The following CFAP74 variants were observed in gnomAD, a reference collection of about 807,000 sequenced individuals.
CFAP74 encodes cilia and flagella associated protein 74, also known as cilia- and flagella-associated protein 74.
A neutral mutation model predicts 188.9 loss-of-function variants in CFAP74; 124 were observed. The observed-to-expected ratio is 0.66, with a 90% CI of 0.57 to 0.76. The LOEUF is 0.76. Ranked by LOEUF, CFAP74 falls within the 30% of genes least tolerant of loss-of-function variation. The probability of loss-of-function intolerance (pLI) is 0.00; values close to 1 mark genes in which losing one functional copy is unlikely to be tolerated. For missense variants in CFAP74, 2,198 were observed against 2,165.2 expected (o/e 1.02, Z -0.30); for synonymous variants, 956 against 916.7 (o/e 1.04, Z -0.77).
chr1:1,991,590 G>A (rs909079223), intron 1 of CFAP74, among the ~76,000 whole-genome samples: 1 of 151,942 alleles, frequency 6.6e-6, no homozygotes, highest in African/African-American at 2.4e-5. Flanking sequence ...GGACAAGAGC[G>A]AGACTCCATC....
Position 1,923,150 on chromosome 1 carries a change from A to AG in CFAP74, c.4523-6dup. 1 of 1,604,998 alleles carries AG rather than the reference A, an allele frequency of 6.2e-7. No individual in the cohort carries two copies. Among genetic ancestry groups the AG allele is most frequent in the Non-Finnish European group, 8.5e-7 (1 of 1,177,118 alleles). ...GAGGGCCTGGCCGGGAGCTGGCTGG[A>AG]GGGGTGTGGCCAGGGGAGCTGTTCA... On this transcript the variant is annotated splice_region_variant and splice_polypyrimidine_tract_variant and intron_variant, in intron 36 of 38. Coordinates refer to ENST00000682832, the MANE Select transcript of CFAP74 (RefSeq NM_001304360.2). The surrounding 1 kb of genome is among the most constrained non-coding windows in gnomAD (Gnocchi z 6.3).
intron 15 of CFAP74, 76 bp downstream of exon 15, chr1:1,959,888 T>A: frequency 7.7e-7 from 1 of 1,298,248 alleles, no homozygotes; most frequent in Non-Finnish European, 1.1e-6. Context: ...CATCATGTTC[T>A]GCGCCACCAT....
chr1:1,927,198 G>A, intron 28 of CFAP74, 170 bp from the exon 29 acceptor site: 4 of 731,674 alleles, frequency 5.5e-6, no homozygotes, highest in South Asian at 3.7e-5. Flanking sequence ...GCTCCTGTGG[G>A]GGTCTCATCA....
rs758746981 is a variant in CFAP74 at position 1,988,937 on chromosome 1, T to C, written c.104A>G (p.Lys35Arg). The stretch of plus-strand genomic sequence containing the variant: ...ATCCTCAGCTTCCTGTAGAAGACAT[T>C]TGATGTCAAACTCCGGATCCTCTAA... ...DELEDPEFDI[K>R]CLLQEAEDDV... is the part of the protein sequence containing the mutation. Residue 35 changes from lysine (K) to arginine (R), a missense_variant, in exon 3 of 39, where the codon AAA (lysine) becomes AGA (arginine). Physicochemically the swap from Lys to Arg is conservative, Grantham distance 26. Transcript: ENST00000682832. 17 of 1,589,016 alleles carry C rather than the reference T, an allele frequency of 1.1e-5. No individual in the cohort carries two copies. Among genetic ancestry groups the C allele is most frequent in the East Asian group, 4.6e-5 (2 of 43,956 alleles).
chr1:1,927,150 A>C, intron 28 of CFAP74, 122 bp from the exon 29 acceptor site: 2 of 1,195,164 alleles, frequency 1.7e-6, no homozygotes, highest in Non-Finnish European at 2.3e-6. Flanking sequence ...TGGCTGTCCC[A>C]GTTGTGTCTG....
chr1:1,977,289 G>A (rs1473480712), intron 6 of CFAP74, among the ~76,000 whole-genome samples: 1 of 152,206 alleles, frequency 6.6e-6, no homozygotes, highest in Non-Finnish European at 1.5e-5. Flanking sequence ...GGGAAAGATT[G>A]GGATTTTGAG....
chr1:1,956,770 C>T lies in CFAP74; in HGVS notation c.1866G>A (p.Lys622=). ...STKKCSLSLD[K]ELIDFGSYVV... is the part of the protein sequence containing the mutation. Reference sequence around the variant, plus strand: ...CGTAGCTGCCGAAGTCAATGAGCTCCTTGTCGAGGGACAGCTGCCAGAGGA... The same window carrying T: ...CGTAGCTGCCGAAGTCAATGAGCTCTTTGTCGAGGGACAGCTGCCAGAGGA... The change falls in exon 17 of 39, where the codon AAG becomes AAA. Residue 622 remains lysine, a synonymous_variant. Coordinates refer to ENST00000682832, the MANE Select transcript of CFAP74 (RefSeq NM_001304360.2). The T allele has an allele frequency of 6.2e-7, 1 of 1,612,994 alleles. No individual in the cohort carries two copies. Among genetic ancestry groups the T allele is most frequent in the Non-Finnish European group, 8.5e-7 (1 of 1,179,476 alleles).
chr1:1,933,423 G>T (rs1452290482), intron 25 of CFAP74, among the ~76,000 whole-genome samples: 1 of 151,880 alleles, frequency 6.6e-6, no homozygotes, highest in Admixed American at 6.6e-5. Context: ...CAGGTGATCC[G>T]CCCGCCTCGG....
intron 20 of CFAP74, among the ~76,000 whole-genome samples, chr1:1,944,924 C>T (rs750851809): frequency 9.9e-5 from 15 of 152,064 alleles, no homozygotes; most frequent in Non-Finnish European, 1.5e-4. Context: ...TTTTTATTTT[C>T]GAAATGTTCA....
At chr1:1,960,116 G>T in intron 14 of CFAP74, 86 bp from the exon 15 acceptor site, 1 of 1,117,032 alleles carries the variant, frequency 9.0e-7, no homozygotes, top group Non-Finnish European at 1.3e-6. Flanking sequence ...GTCAGGCTGG[G>T]CCTCCTGGCC....
chr1:1,940,572 G>A (rs372797546), intron 22 of CFAP74, among the ~76,000 whole-genome samples, 169 bp from the exon 23 acceptor site: 16 of 152,316 alleles, frequency 1.1e-4, no homozygotes, highest in Middle Eastern at 3.4e-3. Context: ...CAGAACCCAC[G>A]AGCACGTGGC....
chr1:1,973,723 G>C lies in CFAP74; in HGVS notation c.674+302C>G, dbSNP rs1656243432. ...GGCTGGGAAGAGGAAGGGGCTGCCGGAGGGAAAGGGGAGGGGCAGTCTTGC... is the reference window on the plus strand; with the variant it reads ...GGCTGGGAAGAGGAAGGGGCTGCCGCAGGGAAAGGGGAGGGGCAGTCTTGC... On this transcript the variant is annotated intron_variant, in intron 7 of 38. Transcript: ENST00000682832. This position sits in a 1 kb window ranked among gnomAD's most constrained non-coding sequence, Gnocchi z 6.2. Among the ~76,000 whole-genome samples, 1 of 152,106 alleles carries C rather than the reference G, an allele frequency of 6.6e-6. No homozygotes were observed. Among genetic ancestry groups the C allele is most frequent in the Admixed American group, 6.5e-5 (1 of 15,274 alleles).
chr1:1,991,237 A>T (rs1382174023), intron 1 of CFAP74, among the ~76,000 whole-genome samples: 1 of 152,200 alleles, frequency 6.6e-6, no homozygotes, highest in East Asian at 1.9e-4. Context: ...GCACTTTGGG[A>T]GGCCGAGGCA....
chr1:1,970,470 G>A (rs1452198676), intron 10 of CFAP74, among the ~76,000 whole-genome samples, 189 bp downstream of exon 10: 1 of 152,194 alleles, frequency 6.6e-6, no homozygotes, highest in Admixed American at 6.5e-5. Context: ...GGCTGGGCAG[G>A]CTGAGTCAGG....
At chr1:1,992,827 T>C (rs1225866034) in intron 1 of CFAP74, among the ~76,000 whole-genome samples, 5 of 152,112 alleles carry the variant, frequency 3.3e-5, no homozygotes, top group Admixed American at 6.5e-5. Flanking sequence ...GCTTATCATT[T>C]TGGGAATGTT....
Position 1,928,966 on chromosome 1 carries a change from C to T in CFAP74, c.3289-84G>A, listed in dbSNP as rs1047371858. 4.5e-5 allele frequency: 38 copies of T among 850,660 alleles called. 1 individual carries two copies. Among genetic ancestry groups the T allele is most frequent in the Admixed American group, 4.3e-4 (18 of 42,352 alleles). 52.7% of individuals were successfully genotyped at this position (850,660 alleles called of 1,614,324 possible). On this transcript the variant is annotated intron_variant, in intron 26 of 38. Transcript: ENST00000682832. ...CCTGCGGGCACTCTACCGTCCTCTG[C>T]CCGTGGACTCCCCTCAAGGTCACCT...
In CFAP74 at chr1:1,942,529, C is replaced by T. The variant is rs1157926538; in HGVS notation, c.2487-373G>A. ...CCCCTCCCTCCAGGGCTCTGCCCGC[C>T]TCCTGCCCAGGGCATCCCCACATCC... On this transcript the variant is annotated intron_variant, in intron 21 of 38. Transcript: ENST00000682832. The surrounding 1 kb of genome is among the most constrained non-coding windows in gnomAD (Gnocchi z 4.3). Among the ~76,000 whole-genome samples the T allele has an allele frequency of 6.6e-6, 1 of 152,258 alleles. No individual in the cohort carries two copies. Among genetic ancestry groups the T allele is most frequent in the East Asian group, 1.9e-4 (1 of 5,170 alleles).
At chr1:1,931,256 C>T (rs898330376) in intron 25 of CFAP74, among the ~76,000 whole-genome samples, 8 of 150,130 alleles carry the variant, frequency 5.3e-5, no homozygotes, top group Non-Finnish European at 1.0e-4. Flanking sequence ...GGTGAAACCC[C>T]GTCTCTACTA....
At position 1,923,773 on chromosome 1, in the gene CFAP74, A is replaced by G. The variant is rs1479159429; in HGVS notation, c.4389+2T>C. 1 of 1,613,222 alleles carries G rather than the reference A, an allele frequency of 6.2e-7. No individual in the cohort carries two copies. Among genetic ancestry groups the G allele is most frequent in the Non-Finnish European group, 8.5e-7 (1 of 1,179,840 alleles). ...GCTGAGCTTGCAGAGCCAGAGCCGC[A>G]CCTTTTCAAAGAGCACCACCTGGAG... On this transcript the variant is annotated splice_donor_variant, in intron 35 of 38. Transcript: ENST00000682832. LOFTEE classifies it high-confidence loss of function. This position sits in a 1 kb window ranked among gnomAD's most constrained non-coding sequence, Gnocchi z 6.3.
Sources: allele counts gnomAD v4.1 joint callset (sites outside exome capture counted in the v4.1 genomes callset), GRCh38; gene constraint gnomAD v4.1.1; non-coding constraint Gnocchi (gnomAD v3.1); transcripts MANE v1.5; gene names NCBI Gene and HGNC (gene_info 2026-07-23, HGNC 2026-07-21).